CFAP251: variants seen among roughly 807,000 people sequenced by gnomAD.
The protein encoded by CFAP251 is cilia- and flagella-associated protein 251.
In CFAP251, 93 loss-of-function variants were observed where a neutral mutation model predicts 126.7. The ratio of observed to expected loss-of-function variants is 0.73; its 90% CI spans 0.62 to 0.87. CFAP251 has a LOEUF of 0.87. Among genes scored for constraint, CFAP251 ranks in the 40% least tolerant of loss-of-function variants. The pLI is 0.00. For synonymous variants in CFAP251, 503 were observed against 506.9 expected (o/e 0.99, Z 0.10); for missense variants, 1,287 against 1,389.2 (o/e 0.93, Z 1.17).
chr12:121,986,017 A>C (rs528209217), intron 19 of CFAP251, among the ~76,000 whole-genome samples: 1 of 152,016 alleles, frequency 6.6e-6, no homozygotes, highest in East Asian at 1.9e-4. Context: ...TTTTTGAGAG[A>C]GTCTTGCTGT....
intron 21 of CFAP251, 103 bp downstream of exon 21, chr12:122,001,701 A>G (rs1883155970): frequency 3.5e-6 from 3 of 851,164 alleles, no homozygotes; most frequent in African/African-American, 1.7e-5. Context: ...ACTCTCCCTA[A>G]GACTGCACAT....
intron 17 of CFAP251, chr12:121,969,478 C>T (rs1882262084): frequency 2.0e-6 from 2 of 985,166 alleles, no homozygotes; most frequent in Admixed American, 6.1e-5. Context: ...CAAGCAGAAC[C>T]TTCCCTTCTA....
At chr12:121,944,792 A>C (rs1279539062) in intron 7 of CFAP251, among the ~76,000 whole-genome samples, 1 of 152,098 alleles carries the variant, frequency 6.6e-6, no homozygotes, top group Non-Finnish European at 1.5e-5. Context: ...AAATGAAAAA[A>C]AATCTTTTTT....
chr12:121,957,226 A>G lies in CFAP251; in HGVS notation c.1688A>G (p.Tyr563Cys), dbSNP rs200412823. 85 of 1,613,956 alleles carry G rather than the reference A, an allele frequency of 5.3e-5. No individual in the cohort carries two copies. The East Asian group carries it at 9.1e-4, about 17-fold the overall frequency. ...ACTCCTCCTACTGAAAAATCAAACT[A>G]TCCTCCTGACTGCACTTTAAAAGGT... ...PATPPTEKSN[Y>C]PPDCTLKGDL... Residue 563 changes from tyrosine to cysteine, a missense_variant, in exon 11 of 22, where the codon TAT (tyrosine) becomes TGT (cysteine). Transcript: ENST00000288912.
rs540507863 is a variant in CFAP251, at chr12:121,971,967, C to G, written c.2772-3277C>G. ...ACCTGTTTCACTTGGCTCTCATTCT[C>G]TCTTGCCACTGCCATGTGAGACGTG... On this transcript the variant is annotated intron_variant, in intron 17 of 21. Coordinates refer to ENST00000288912, the MANE Select transcript of CFAP251 (RefSeq NM_144668.6). 58 of 251,202 alleles carry G rather than the reference C, an allele frequency of 2.3e-4. 1 individual carries two copies. Among genetic ancestry groups the G allele is most frequent in the Non-Finnish European group, 3.6e-4 (46 of 127,850 alleles). The allele number at this position is 251,202 out of a possible 1,614,324, so 15.6% of individuals were successfully genotyped here. A position where few individuals can be genotyped will look rare whatever the true frequency, so the allele number is the denominator to read the frequency against.
chr12:121,965,151 A>G (rs1882078532), intron 15 of CFAP251, among the ~76,000 whole-genome samples: 1 of 152,246 alleles, frequency 6.6e-6, no homozygotes, highest in South Asian at 2.1e-4. Flanking sequence ...GATTTGAAAG[A>G]ACATGAAAAG....
rs190541343 is a variant in CFAP251, at chr12:121,944,844, G to A, written c.1191+1869G>A. Among the ~76,000 whole-genome samples, 30 of 152,248 alleles carry A rather than the reference G, an allele frequency of 2.0e-4. 1 individual carries two copies. In the East Asian group the frequency reaches 5.6e-3, roughly 28 times the overall value. On this transcript the variant is annotated intron_variant, in intron 7 of 21. Transcript: ENST00000288912. The stretch of plus-strand genomic sequence containing the variant: ...GCTGTCCAGTCTGGAGAGCAGTGGC[G>A]CGATCTCAGCTCACTGCAGCCTCTG...
Position 121,999,720 on chromosome 12 carries a change from A to G in CFAP251, c.3011A>G (p.Asp1004Gly). The G allele has an allele frequency of 6.2e-7, 1 of 1,601,670 alleles. No individual in the cohort carries two copies. ...IGFYPSEEKI[D>G]DIFNEIKFGE... ...TTTTCCCCATCTTTCCCCTAGATTG[A>G]TGATATATTTAACGAAATCAAATTT... The change falls in exon 20 of 22, where the codon GAT becomes GGT. Residue 1004 changes from aspartate (D) to glycine (G), a missense_variant. Transcript: ENST00000288912.
chr12:121,963,768 G>A (rs183833445), intron 15 of CFAP251, among the ~76,000 whole-genome samples: 132 of 151,080 alleles, frequency 8.7e-4, no homozygotes, highest in African/African-American at 3.0e-3. Flanking sequence ...AGCTTCAGGA[G>A]GCTGTGTGAC....
At chr12:121,943,115 C>A in intron 7 of CFAP251, 140 bp downstream of exon 7, 1 of 788,462 alleles carries the variant, frequency 1.3e-6, no homozygotes, top group Non-Finnish European at 2.1e-6. Flanking sequence ...GAGTTCAAGG[C>A]CAGCCTGGCC....
chr12:121,958,243 A>T (rs1225813615), intron 11 of CFAP251, 29 bp from the exon 12 acceptor site: 2 of 1,612,096 alleles, frequency 1.2e-6, no homozygotes, highest in African/African-American at 2.7e-5. Context: ...GCAAACACTG[A>T]TATTGTTTGG....
intron 6 of CFAP251, 75 bp from the exon 7 acceptor site, chr12:121,942,820 C>A: frequency 6.5e-7 from 1 of 1,528,326 alleles, no homozygotes. Context: ...GTTTTGGGGT[C>A]ACCACAAGAG....
intron 5 of CFAP251, among the ~76,000 whole-genome samples, chr12:121,939,046 C>T (rs922484601): frequency 1.3e-4 from 20 of 151,992 alleles, no homozygotes; most frequent in African/African-American, 3.1e-4. Flanking sequence ...CTGCCATCTC[C>T]GATCTTAGTC....
intron 1 of CFAP251, 98 bp from the exon 2 acceptor site, chr12:121,921,188 A>T (rs779046381): frequency 1.6e-5 from 21 of 1,329,050 alleles, no homozygotes; most frequent in Non-Finnish European, 2.0e-5. Flanking sequence ...GAAAGGGAAC[A>T]GAGCCATTTA....
At chr12:121,978,398 A>C (rs1882534040) in intron 19 of CFAP251, among the ~76,000 whole-genome samples, 1 of 78,264 alleles carries the variant, frequency 1.3e-5, no homozygotes, top group East Asian at 7.2e-4. Context: ...TGTCTCAAAA[A>C]AAAAAAAAAA....
At chr12:121,924,620 T>G (rs1880334049) in intron 3 of CFAP251, among the ~76,000 whole-genome samples, 1 of 151,418 alleles carries the variant, frequency 6.6e-6, no homozygotes, top group South Asian at 2.1e-4. Context: ...TTAGTAGAGA[T>G]GGGATTTCAC....
chr12:121,970,440 G>A (rs1055413374), intron 17 of CFAP251, among the ~76,000 whole-genome samples: 3 of 152,008 alleles, frequency 2.0e-5, no homozygotes, highest in Non-Finnish European at 2.9e-5. Context: ...TTCACTTCTC[G>A]GAGCCTCAGT....
Position 121,999,790 on chromosome 12 carries a change from A to C in CFAP251, c.3081A>C (p.Leu1027Phe). 1 of 1,614,104 alleles carries C rather than the reference A, an allele frequency of 6.2e-7. No individual in the cohort carries two copies. Among genetic ancestry groups the C allele is most frequent in the Non-Finnish European group, 8.5e-7 (1 of 1,179,972 alleles). ...GAAAGCTAATCGACAAGATCAACTTACCAGATTTCCTAAAAGTGTACCTTA... is the reference window on the plus strand; with the variant it reads ...GAAAGCTAATCGACAAGATCAACTTCCCAGATTTCCTAAAAGTGTACCTTA... ...DTGKLIDKIN[L>F]PDFLKVYLNH... Residue 1027 changes from leucine to phenylalanine, a missense_variant, in exon 20 of 22, where the codon TTA becomes TTC. By Grantham distance (22) the Leu-to-Phe change is conservative. Transcript: ENST00000288912.
intron 17 of CFAP251, chr12:121,970,086 A>T (rs1882282708): frequency 2.2e-6 from 1 of 463,764 alleles, no homozygotes; most frequent in Non-Finnish European, 2.8e-6. Context: ...GTTGTAGGGG[A>T]GATAAAGATG....
Sources: allele counts gnomAD v4.1 joint callset (sites outside exome capture counted in the v4.1 genomes callset), GRCh38; gene constraint gnomAD v4.1.1; transcripts MANE v1.5; gene names NCBI Gene and HGNC (gene_info 2026-07-23, HGNC 2026-07-21).